The following ESF1 variants were observed in gnomAD, a reference collection of about 807,000 sequenced individuals.
ESF1 encodes the protein ESF1 homolog.
In ESF1, 58 loss-of-function variants were observed where a neutral mutation model predicts 92.0. The observed-to-expected ratio is 0.63, with a 90% CI of 0.51 to 0.78. The LOEUF (loss-of-function observed/expected upper bound fraction) is 0.78, where lower values mean the gene tolerates loss of function less well. Among genes scored for constraint, ESF1 ranks in the 30% least tolerant of loss-of-function variants. The probability of loss-of-function intolerance (pLI) is 0.00; values close to 1 mark genes in which losing one functional copy is unlikely to be tolerated. For missense variants in ESF1, 922 were observed against 989.1 expected (o/e 0.93, Z 0.91); for synonymous variants, 321 against 313.7 (o/e 1.02, Z -0.24).
At chr20:13,733,890 C>T (rs749216093) in intron 9 of ESF1, 48 bp from the exon 10 acceptor site, 35 of 1,551,536 alleles carry the variant, frequency 2.3e-5, no homozygotes, top group Non-Finnish European at 2.9e-5. Flanking sequence ...TATTGTCTGG[C>T]AATCACTTAA....
intron 1 of ESF1, 97 bp from the exon 2 acceptor site, chr20:13,783,280 CTAAGT>C (rs1279657808): frequency 2.5e-4 from 230 of 918,560 alleles, no homozygotes; most frequent in Non-Finnish European, 3.3e-4. Flanking sequence ...TTAATATATT[CTAAGT>C]TAAGTGTACA....
At position 13,782,738 on chromosome 20, in the gene ESF1, T is replaced by C. The variant is rs1313047351; in HGVS notation, c.403A>G (p.Ile135Val). The C allele has an allele frequency of 1.9e-6, 3 of 1,592,212 alleles. No homozygotes were observed. Among genetic ancestry groups the C allele is most frequent in the Admixed American group, 1.8e-5 (1 of 54,806 alleles). ...GAGGTTTTCATTTTTTTAATTCCTA[T>C]AGAATTATCTAAATCAGTTTTATTT... ...SENKTDLDNS[I>V]GIKKMKTSCK... Residue 135 changes from isoleucine (I) to valine (V), a missense_variant, in exon 2 of 14, where the codon ATA becomes GTA. Ile to Val is a conservative substitution (Grantham distance 29). Transcript: ENST00000617257.
intron 11 of ESF1, 33 bp downstream of exon 11, chr20:13,728,345 C>T (rs770594384): frequency 1.1e-5 from 17 of 1,515,452 alleles, no homozygotes; most frequent in Middle Eastern, 1.7e-4. Flanking sequence ...TCTTTAGATT[C>T]CAGTTGAAAA....
At position 13,784,842 on chromosome 20, in the gene ESF1, C is replaced by T. The variant is rs537390340; in HGVS notation, c.-44+38G>A. On this transcript the variant is annotated intron_variant, in intron 1 of 13. Transcript: ENST00000617257. Reference sequence around the variant, plus strand: ...CACACACACACGCCCTCAAGCCCTTCATCTCGAGCTCTTCAACTCCAGTCC... The same window carrying T: ...CACACACACACGCCCTCAAGCCCTTTATCTCGAGCTCTTCAACTCCAGTCC... 6 of 586,756 alleles carry T rather than the reference C, an allele frequency of 1.0e-5. No individual in the cohort carries two copies. In the Admixed American group the frequency reaches 1.5e-4, roughly 15 times the overall value. 36.3% of individuals were successfully genotyped at this position (586,756 alleles called of 1,614,324 possible). A position where few individuals can be genotyped will look rare whatever the true frequency, so the allele number is the denominator to read the frequency against.
intron 9 of ESF1, among the ~76,000 whole-genome samples, chr20:13,745,012 C>G (rs1600277125): frequency 1.3e-5 from 2 of 152,200 alleles, no homozygotes; most frequent in South Asian, 4.1e-4. Flanking sequence ...GTCTGGTATA[C>G]AGTAGGAACT....
chr20:13,784,294 A>C (rs56234345), intron 1 of ESF1, among the ~76,000 whole-genome samples: 7 of 79,620 alleles, frequency 8.8e-5, no homozygotes, highest in South Asian at 4.7e-4. Context: ...ACCCCCCCCC[A>C]AAATGATTAA....
rs1397329366 is a variant in ESF1, at chr20:13,748,503, TACAC to T, written c.1828+11185_1828+11188del. 1.9e-3 allele frequency among the ~76,000 whole-genome samples: 272 copies of T among 139,584 alleles called. 10 individuals carry two copies. The highest frequency in any genetic ancestry group is 7.2e-3 in the African/African-American group (263 of 36,332). The allele number at this position is 139,584 out of a possible 152,430, so 91.6% of individuals were successfully genotyped here. On this transcript the variant is annotated intron_variant, in intron 9 of 13. Coordinates refer to ENST00000617257, the MANE Select transcript of ESF1 (RefSeq NM_001276380.2). ...ACATATACACATATATATACATATA[TACAC>T]ATATATATACACATATATATATACA...
chr20:13,733,847 G>A lies in ESF1; in HGVS notation c.1829-5C>T. On this transcript the variant is annotated splice_polypyrimidine_tract_variant and splice_region_variant and intron_variant, in intron 9 of 13. Transcript: ENST00000617257. ...CTTCTGCACTTTCTTTAAGACCTGA[G>A]GAAAAATCCAAATAGTTTAGCTTAA... 1.3e-6 allele frequency: 2 copies of A among 1,591,718 alleles called. No individual in the cohort carries two copies. The highest frequency in any genetic ancestry group is 1.7e-6 in the Non-Finnish European group (2 of 1,172,410).
chr20:13,742,245 G>A (rs1389454897), intron 9 of ESF1, among the ~76,000 whole-genome samples: 1 of 152,058 alleles, frequency 6.6e-6, no homozygotes, highest in East Asian at 1.9e-4. Context: ...GTGGACGCCT[G>A]TAATCCCAGC....
In ESF1 at chr20:13,766,929, C is replaced by G. The variant is rs1323310028; in HGVS notation, c.1519-5G>C. On this transcript the variant is annotated splice_region_variant and splice_polypyrimidine_tract_variant and intron_variant, in intron 7 of 13. Transcript: ENST00000617257. ...CTCATCCCAAGTGATTTCCACCTTT[C>G]ACCAACAAATAAGAAAAAATAACAC... The G allele has an allele frequency of 6.2e-7, 1 of 1,604,514 alleles. No individual in the cohort carries two copies. The highest frequency in any genetic ancestry group is 8.5e-7 in the Non-Finnish European group (1 of 1,176,114).
At chr20:13,728,821 C>T (rs934075800) in intron 10 of ESF1, among the ~76,000 whole-genome samples, 2 of 150,650 alleles carry the variant, frequency 1.3e-5, no homozygotes. Flanking sequence ...GAGCCGAGAT[C>T]GTGCCACTGC....
chr20:13,717,037 T>C (rs552092302), intron 13 of ESF1, among the ~76,000 whole-genome samples: 1 of 152,058 alleles, frequency 6.6e-6, no homozygotes, highest in South Asian at 2.1e-4. Context: ...CAGGATGGTC[T>C]TGACCTCCTG....
chr20:13,768,124 G>A (rs1278765969), intron 7 of ESF1, among the ~76,000 whole-genome samples: 6 of 152,122 alleles, frequency 3.9e-5, no homozygotes, highest in African/African-American at 1.2e-4. Context: ...TGCTTACTAT[G>A]TAATGGTAGA....
In ESF1 at chr20:13,717,492, A is replaced by G; in HGVS notation, c.2138T>C (p.Met713Thr). 6.2e-7 allele frequency: 1 copy of G among 1,613,990 alleles called. No homozygotes were observed. Among genetic ancestry groups the G allele is most frequent in the South Asian group, 1.1e-5 (1 of 91,080 alleles). The change falls in exon 13 of 14, where the codon ATG becomes ACG. Residue 713 changes from methionine (M) to threonine (T), a missense_variant. By Grantham distance (81) the Met-to-Thr change is moderately conservative (BLOSUM62 -1). Transcript: ENST00000617257. ...TTTCTTACTGTCCTCGTCCTCATCC[A>G]TCATAAGCAAAGCCATTTCAGCCTG... The part of the protein sequence containing the change: ...RQKAEMALLM[M>T]DEDEDSKKHF...
chr20:13,756,580 C>A (rs77488153), intron 9 of ESF1, among the ~76,000 whole-genome samples: 1,796 of 152,174 alleles, frequency 0.012, 43 homozygotes, highest in African/African-American at 0.041. Context: ...GAAAATAATT[C>A]AAAATATGGA....
At chr20:13,763,619 G>A (rs766573437) in intron 8 of ESF1, among the ~76,000 whole-genome samples, 4 of 152,080 alleles carry the variant, frequency 2.6e-5, no homozygotes, top group Admixed American at 6.5e-5. Context: ...AAATCATTAC[G>A]TCTTTCTCCA....
chr20:13,784,535 G>T (rs1037097627), intron 1 of ESF1, among the ~76,000 whole-genome samples: 1 of 152,046 alleles, frequency 6.6e-6, no homozygotes, highest in Non-Finnish European at 1.5e-5. Context: ...AGAGGGGAAG[G>T]CGACCGGACC....
intron 7 of ESF1, among the ~76,000 whole-genome samples, chr20:13,767,529 CAAA>C (rs34946385): frequency 3.5e-5 from 4 of 115,136 alleles, no homozygotes; most frequent in Non-Finnish European, 1.8e-5. Flanking sequence ...AACTCTATCT[CAAA>C]AAAAAAAAAA....
At chr20:13,779,193 T>C (rs1277782891) in intron 2 of ESF1, among the ~76,000 whole-genome samples, 2 of 152,140 alleles carry the variant, frequency 1.3e-5, no homozygotes, top group Admixed American at 6.5e-5. Context: ...ACATTACTAC[T>C]TATCCAGCTA....
Sources: gnomAD v4.1 joint callset for allele counts (sites outside exome capture counted in the v4.1 genomes callset) on GRCh38, gnomAD v4.1.1 for gene constraint, MANE v1.5 for transcripts, NCBI Gene and HGNC (gene_info 2026-07-23, HGNC 2026-07-21) for gene names.